The following NUP153 variants were observed in gnomAD, a reference collection of about 807,000 sequenced individuals.
NUP153 encodes nucleoporin 153.
In NUP153, 27 loss-of-function variants were observed where a neutral mutation model predicts 134.6. The ratio of observed to expected loss-of-function variants is 0.20; its 90% CI spans 0.15 to 0.28. The LOEUF is 0.28. Ranked by LOEUF, NUP153 falls within the 10% of genes least tolerant of loss-of-function variation. The probability of loss-of-function intolerance (pLI) is 1.00; values close to 1 mark genes in which losing one functional copy is unlikely to be tolerated. For missense variants in NUP153, 1,821 were observed against 1,731.3 expected, an observed-to-expected ratio of 1.05 and a Z score of -0.92; for synonymous variants, 640 against 623.5, an observed-to-expected ratio of 1.03 and a Z score of -0.40.
At chr6:17,617,311 T>C (rs1764382300) in intron 20 of NUP153, among the ~76,000 whole-genome samples, 1 of 151,946 alleles carries the variant, frequency 6.6e-6, no homozygotes, top group Admixed American at 6.6e-5. Flanking sequence ...CAACAAGGGA[T>C]TTTTACAAAG....
Position 17,638,438 on chromosome 6 carries a change from G to A in NUP153, c.1847-668C>T, listed in dbSNP as rs1765674697. Among the ~76,000 whole-genome samples, 1 of 152,192 alleles carries A rather than the reference G, an allele frequency of 6.6e-6. No individual in the cohort carries two copies. Among genetic ancestry groups the A allele is most frequent in the Non-Finnish European group, 1.5e-5 (1 of 68,034 alleles). ...GCCAAAGAAAAAGAAATTAAAAGGA[G>A]AGAAGATGTAGAAGGTTATTAGAGG... is the stretch of plus-strand genomic sequence containing the variant. On this transcript the variant is annotated intron_variant, in intron 15 of 21. Coordinates refer to ENST00000262077, the MANE Select transcript of NUP153 (RefSeq NM_005124.4). The surrounding 1 kb of genome is among the most constrained non-coding windows in gnomAD (Gnocchi z 4.0).
Position 17,706,537 on chromosome 6 carries a change from C to A in NUP153, c.-150G>T. The stretch of plus-strand genomic sequence containing the variant: ...CAGTGGGCACAAGCACCCCAGGAAC[C>A]GCGAGGTTGCGAGCAGGAGCGGAGA... On this transcript the variant is annotated 5_prime_UTR_variant, in exon 1 of 22. Coordinates refer to ENST00000262077, the MANE Select transcript of NUP153 (RefSeq NM_005124.4). The surrounding 1 kb of genome is among the most constrained non-coding windows in gnomAD (Gnocchi z 5.9). 1.7e-6 allele frequency: 1 copy of A among 605,208 alleles called. No individual in the cohort carries two copies. The highest frequency in any genetic ancestry group is 2.9e-6 in the Non-Finnish European group (1 of 347,884). The allele number at this position is 605,208 out of a possible 1,614,324, so 37.5% of individuals were successfully genotyped here. A position where few individuals can be genotyped will look rare whatever the true frequency, so the allele number is the denominator to read the frequency against.
At chr6:17,652,406 A>G (rs1766553327) in intron 11 of NUP153, among the ~76,000 whole-genome samples, 1 of 152,170 alleles carries the variant, frequency 6.6e-6, no homozygotes, top group Admixed American at 6.5e-5. Context: ...AATTCAATAC[A>G]TTTCTAAATA....
chr6:17,705,585 T>TGGGAGGGGGGGGGGTGGGGGGGG (rs1770425212), intron 1 of NUP153, among the ~76,000 whole-genome samples: 1 of 40,160 alleles, frequency 2.5e-5, no homozygotes, highest in African/African-American at 9.6e-5. Context: ...GTGGCGGTGT[T>TGGGAGGGGGGGGGGTGGGGGGGG]GGGGGGGGGG....
intron 18 of NUP153, among the ~76,000 whole-genome samples, chr6:17,627,700 C>G (rs1012211059): frequency 4.6e-5 from 7 of 152,280 alleles, no homozygotes; most frequent in African/African-American, 1.7e-4. Context: ...TAACAGAATT[C>G]TAGGTTCAAG....
chr6:17,677,279 G>T (rs917341109), intron 2 of NUP153, among the ~76,000 whole-genome samples: 1 of 152,094 alleles, frequency 6.6e-6, no homozygotes, highest in Non-Finnish European at 1.5e-5. Flanking sequence ...TAACTGAACT[G>T]CCTGCTAAAA....
At chr6:17,650,989 TAA>T (rs1581704892) in intron 11 of NUP153, among the ~76,000 whole-genome samples, 1 of 152,104 alleles carries the variant, frequency 6.6e-6, no homozygotes, top group East Asian at 1.9e-4. Flanking sequence ...GAGAAACCAC[TAA>T]ATAGTGCAAA....
At chr6:17,662,788 C>T (rs140727277) in intron 9 of NUP153, among the ~76,000 whole-genome samples, 216 of 152,320 alleles carry the variant, frequency 1.4e-3, no homozygotes, top group Middle Eastern at 6.8e-3. Flanking sequence ...ACTCCCTCAA[C>T]GGTCTTCACT....
chr6:17,696,839 G>A (rs920869861), intron 1 of NUP153, among the ~76,000 whole-genome samples: 4 of 152,064 alleles, frequency 2.6e-5, no homozygotes, highest in South Asian at 2.1e-4. Flanking sequence ...TTGGGAGGCC[G>A]AGGTGGGCAG....
chr6:17,631,770 T>C (rs1341677906), intron 17 of NUP153, among the ~76,000 whole-genome samples: 2 of 151,920 alleles, frequency 1.3e-5, no homozygotes, highest in Admixed American at 6.6e-5. Flanking sequence ...ATTGAGACCA[T>C]CCTGGCTAAC....
intron 11 of NUP153, among the ~76,000 whole-genome samples, chr6:17,657,132 G>A (rs1766866676): frequency 1.3e-5 from 2 of 152,106 alleles, no homozygotes; most frequent in Admixed American, 1.3e-4. Flanking sequence ...AGCTCAGGTT[G>A]ATTATTTATA....
In NUP153 at chr6:17,690,395, G is replaced by A. The variant is rs148150942; in HGVS notation, c.112-1777C>T. Reference sequence around the variant, plus strand: ...ACTCCGTCTCAAAAAAAAAAGTATGGGCTTTGGGATTGCCAGGACCTAGGG... The same window carrying A: ...ACTCCGTCTCAAAAAAAAAAGTATGAGCTTTGGGATTGCCAGGACCTAGGG... On this transcript the variant is annotated intron_variant, in intron 1 of 21. Transcript: ENST00000262077. Among the ~76,000 whole-genome samples, 48 of 151,092 alleles carry A rather than the reference G, an allele frequency of 3.2e-4. No homozygotes were observed. The East Asian group carries it at 7.6e-3, about 24-fold the overall frequency.
intron 16 of NUP153, among the ~76,000 whole-genome samples, chr6:17,634,070 A>AAAT (rs1765397437): frequency 6.6e-6 from 1 of 151,882 alleles, no homozygotes; most frequent in Non-Finnish European, 1.5e-5. Flanking sequence ...TATTTCAATC[A>AAAT]ATTTCTGACT....
At chr6:17,635,102 ATCTT>A (rs1765472837) in intron 16 of NUP153, among the ~76,000 whole-genome samples, 1 of 117,478 alleles carries the variant, frequency 8.5e-6, no homozygotes, top group African/African-American at 3.2e-5. Context: ...AGCTTGGCTT[ATCTT>A]TTTTTTTTTT....
intron 2 of NUP153, among the ~76,000 whole-genome samples, chr6:17,684,460 T>G (rs1318479319): frequency 2.0e-5 from 3 of 152,256 alleles, no homozygotes; most frequent in Non-Finnish European, 2.9e-5. Flanking sequence ...GGGCTTGCTC[T>G]GGATTACACT....
intron 18 of NUP153, among the ~76,000 whole-genome samples, chr6:17,627,589 A>G (rs970641505): frequency 1.8e-4 from 27 of 152,226 alleles, no homozygotes; most frequent in African/African-American, 5.8e-4. Flanking sequence ...TCCGCCTCCC[A>G]GGTTCAAGAG....
chr6:17,660,689 G>A (rs1160161242), intron 11 of NUP153, among the ~76,000 whole-genome samples: 1 of 152,032 alleles, frequency 6.6e-6, no homozygotes, highest in Non-Finnish European at 1.5e-5. Flanking sequence ...GATGCCCCAA[G>A]ATCTATCTAT....
Position 17,664,163 on chromosome 6 carries a change from AT to A in NUP153, c.1215+1075del, listed in dbSNP as rs908995035. Among the ~76,000 whole-genome samples the A allele has an allele frequency of 2.2e-4, 33 of 152,328 alleles. 2 individuals are homozygous for A. The highest frequency in any genetic ancestry group is 1.6e-3 in the Admixed American group (25 of 15,294). Reference sequence around the variant, plus strand: ...AGTACTGATACATACTACGACGTGAATGAACCTTGAAAACACTATGCTAAGT... The same window carrying A: ...AGTACTGATACATACTACGACGTGAAGAACCTTGAAAACACTATGCTAAGT... On this transcript the variant is annotated intron_variant, in intron 9 of 21. Transcript: ENST00000262077.
chr6:17,698,073 C>A (rs915254493), intron 1 of NUP153, among the ~76,000 whole-genome samples: 1 of 152,166 alleles, frequency 6.6e-6, no homozygotes, highest in Non-Finnish European at 1.5e-5. Flanking sequence ...AATAGTTTCA[C>A]TGGATCTTTA....
Sources: gnomAD v4.1 joint callset for allele counts (sites outside exome capture counted in the v4.1 genomes callset) on GRCh38, gnomAD v4.1.1 for gene constraint, Gnocchi (gnomAD v3.1) non-coding constraint, MANE v1.5 for transcripts, NCBI Gene and HGNC (gene_info 2026-07-23, HGNC 2026-07-21) for gene names.